GRHL1: variants seen among roughly 807,000 people sequenced by gnomAD.
GRHL1 encodes the protein grainyhead-like protein 1 homolog.
In GRHL1, 38 loss-of-function variants were observed where a neutral mutation model predicts 75.7. The ratio of observed to expected loss-of-function variants is 0.50; its 90% CI spans 0.39 to 0.66. GRHL1 has a LOEUF of 0.66. Ranked by LOEUF, GRHL1 falls within the 30% of genes least tolerant of loss-of-function variation. The pLI is 0.00. For synonymous variants in GRHL1, 266 were observed against 279.4 expected, an observed-to-expected ratio of 0.95 and a Z score of 0.48; for missense variants, 589 against 767.5, an observed-to-expected ratio of 0.77 and a Z score of 2.75.
chr2:9,980,160 G>GTTT (rs200425902), intron 8 of GRHL1, among the ~76,000 whole-genome samples: 1 of 136,636 alleles, frequency 7.3e-6, no homozygotes, highest in African/African-American at 2.7e-5. Context: ...GGGTTTGGTG[G>GTTT]TTTGTTTTTT....
chr2:9,957,868 C>T (rs1249014127), intron 2 of GRHL1, among the ~76,000 whole-genome samples: 2 of 152,210 alleles, frequency 1.3e-5, no homozygotes, highest in Non-Finnish European at 2.9e-5. Context: ...GCCTACTTTT[C>T]ACTTCCCTTG....
At chr2:9,973,788 T>A (rs1159403953) in intron 8 of GRHL1, among the ~76,000 whole-genome samples, 1 of 152,210 alleles carries the variant, frequency 6.6e-6, no homozygotes, top group East Asian at 1.9e-4. Context: ...TTGACTAAGT[T>A]GAATTTAAAT....
chr2:9,965,406 T>C (rs41264203), intron 8 of GRHL1, 25 bp downstream of exon 8: 166,969 of 1,277,706 alleles, frequency 0.13, 12,566 homozygotes, highest in African/African-American at 0.29. Flanking sequence ...CTGGGCGCCT[T>C]ATGTCCAGCC....
intron 9 of GRHL1, among the ~76,000 whole-genome samples, chr2:9,989,715 A>C (rs1668562588): frequency 6.6e-6 from 1 of 151,876 alleles, no homozygotes; most frequent in African/African-American, 2.4e-5. Flanking sequence ...CGCCCGGCTA[A>C]ATTTTTTGTA....
chr2:9,961,435 A>G lies in GRHL1; in HGVS notation c.668A>G (p.Glu223Gly). Residue 223 changes from glutamate (E) to glycine (G), a missense_variant and splice_region_variant, in exon 4 of 16, where the codon GAG (glutamate) becomes GGG (glycine). Around this residue, in one of 5 missense-constraint regions of GRHL1, gnomAD observed 362 missense variants for 461.8 expected, o/e 0.78. Coordinates refer to ENST00000324907, the MANE Select transcript of GRHL1 (RefSeq NM_198182.3). ...GAGACCTTCAAGGAAGGCGTTCAGG[A>G]GGTAAGGAAACAAAAACATCTTCCT... The part of the protein sequence containing the change: ...FSETFKEGVQ[E>G]VFFPSDLSLR... The G allele has an allele frequency of 6.3e-7, 1 of 1,596,712 alleles. No individual in the cohort carries two copies. The highest frequency in any genetic ancestry group is 8.6e-7 in the Non-Finnish European group (1 of 1,167,458).
chr2:9,956,581 T>C (rs1001913593), intron 2 of GRHL1, among the ~76,000 whole-genome samples: 3 of 152,032 alleles, frequency 2.0e-5, no homozygotes, highest in Admixed American at 1.3e-4. Flanking sequence ...TCTAACTAAG[T>C]TGGGGCTGAG....
intron 10 of GRHL1, 50 bp from the exon 11 acceptor site, chr2:9,991,957 T>C (rs1370227496): frequency 1.4e-6 from 2 of 1,456,932 alleles, no homozygotes; most frequent in Non-Finnish European, 9.3e-7. Context: ...CCAGTCTGTA[T>C]GTAATCCTTT....
chr2:9,980,109 T>G (rs949666064), intron 8 of GRHL1, among the ~76,000 whole-genome samples: 5 of 152,086 alleles, frequency 3.3e-5, no homozygotes, highest in African/African-American at 1.2e-4. Context: ...ATACCTGCTG[T>G]GAAATGAACC....
rs1037488824 is a variant in GRHL1, at chr2:9,964,018, C to T, written c.879C>T (p.Ile293=). 6.2e-7 allele frequency: 1 copy of T among 1,613,788 alleles called. No individual in the cohort carries two copies. The highest frequency in any genetic ancestry group is 8.5e-7 in the Non-Finnish European group (1 of 1,179,744). Reference sequence around the variant, plus strand: ...AGGAGGTGAGCAGCAGTGAAGGAATCCATCATCCCATCAGCAAAGTTCGAG... The same window carrying T: ...AGGAGGTGAGCAGCAGTGAAGGAATTCATCATCCCATCAGCAAAGTTCGAG... ...TLKEVSSSEG[I]HHPISKVRSV... Residue 293 remains isoleucine, a synonymous_variant, in exon 6 of 16, where the codon ATC becomes ATT. Coordinates refer to ENST00000324907, the MANE Select transcript of GRHL1 (RefSeq NM_198182.3).
In GRHL1 at chr2:9,992,182, A is replaced by AG. The variant is rs752848046; in HGVS notation, c.1461+38dup. On this transcript the variant is annotated intron_variant, in intron 11 of 15. Transcript: ENST00000324907. The surrounding 1 kb of genome is among the most constrained non-coding windows in gnomAD (Gnocchi z 4.6). Reference sequence around the variant, plus strand: ...AGGATCCCAGGGGAGGTTACCAGGAAGGAAGGCATGGCAAAAGGAAATTCT... The same window carrying AG: ...AGGATCCCAGGGGAGGTTACCAGGAAGGGAAGGCATGGCAAAAGGAAATTCT... 1.1e-5 allele frequency: 18 copies of AG among 1,593,790 alleles called. No individual in the cohort carries two copies. Among genetic ancestry groups the AG allele is most frequent in the Middle Eastern group, 1.7e-4 (1 of 5,990 alleles).
At chr2:9,988,522 G>A (rs531891090) in intron 9 of GRHL1, among the ~76,000 whole-genome samples, 4 of 152,020 alleles carry the variant, frequency 2.6e-5, no homozygotes, top group Non-Finnish European at 1.5e-5. Context: ...GTTGGTACCC[G>A]GCCACGTACT....
At chr2:9,969,473 A>G (rs1306004143) in intron 8 of GRHL1, among the ~76,000 whole-genome samples, 1 of 152,250 alleles carries the variant, frequency 6.6e-6, no homozygotes, top group African/African-American at 2.4e-5. Context: ...TTAAAAATGT[A>G]GGTATTACTA....
chr2:9,967,695 C>T (rs1269107865), intron 8 of GRHL1, among the ~76,000 whole-genome samples: 5 of 152,100 alleles, frequency 3.3e-5, no homozygotes, highest in Non-Finnish European at 2.9e-5. Context: ...TTTTTGCTTT[C>T]CCTGGCCAAC....
intron 8 of GRHL1, among the ~76,000 whole-genome samples, chr2:9,976,146 G>A (rs971536802): frequency 6.6e-6 from 1 of 152,192 alleles, no homozygotes; most frequent in East Asian, 1.9e-4. Flanking sequence ...GCACTGCCAA[G>A]ATGCTCTTGG....
chr2:9,962,386 C>T (rs913266574), intron 4 of GRHL1, 69 bp from the exon 5 acceptor site: 7 of 854,702 alleles, frequency 8.2e-6, no homozygotes, highest in African/African-American at 1.7e-5. Flanking sequence ...TTATGCGGTA[C>T]CAGAGCTTGG....
At position 10,002,012 on chromosome 2, in the gene GRHL1, A is replaced by G. The variant is rs986840715; in HGVS notation, c.*1305A>G. 6.5e-6 allele frequency: 1 copy of G among 152,674 alleles called. No homozygotes were observed. Among genetic ancestry groups the G allele is most frequent in the African/African-American group, 2.4e-5 (1 of 41,472 alleles). The allele number at this position is 152,674 out of a possible 1,614,324, so 9.5% of individuals were successfully genotyped here. A position where few individuals can be genotyped will look rare whatever the true frequency, so the allele number is the denominator to read the frequency against. On this transcript the variant is annotated 3_prime_UTR_variant, in exon 16 of 16. Coordinates refer to ENST00000324907, the MANE Select transcript of GRHL1 (RefSeq NM_198182.3). ...TAAAAATACTAAAATATGTAATTTTATAACAAAGTCACGGGTATCTTTAGG... is the reference window on the plus strand; with the variant it reads ...TAAAAATACTAAAATATGTAATTTTGTAACAAAGTCACGGGTATCTTTAGG...
chr2:9,991,883 T>C (rs988267681), intron 10 of GRHL1, 124 bp from the exon 11 acceptor site: 4 of 636,592 alleles, frequency 6.3e-6, no homozygotes, highest in Admixed American at 3.5e-5. Context: ...CGTGCCCTGT[T>C]GTATCTTACA....
intron 8 of GRHL1, among the ~76,000 whole-genome samples, chr2:9,967,982 T>C (rs2125216696): frequency 6.6e-6 from 1 of 152,292 alleles, no homozygotes; most frequent in South Asian, 2.1e-4. Flanking sequence ...ACATAAGGGT[T>C]TATTGGAGCT....
chr2:9,986,328 A>G (rs375651164), intron 9 of GRHL1, 46 bp downstream of exon 9: 1 of 1,427,284 alleles, frequency 7.0e-7, no homozygotes, highest in Non-Finnish European at 9.6e-7. Flanking sequence ...AGACACACTC[A>G]TGGAAAAAGA....
Sources: allele counts gnomAD v4.1 joint callset (sites outside exome capture counted in the v4.1 genomes callset), GRCh38; gene constraint gnomAD v4.1.1; regional missense constraint gnomAD v4.1.1; non-coding constraint Gnocchi (gnomAD v3.1); transcripts MANE v1.5; gene names NCBI Gene and HGNC (gene_info 2026-07-23, HGNC 2026-07-21).